Variants in VAPA observed in about 807,000 individuals in gnomAD.
VAPA encodes the protein vesicle-associated membrane protein-associated protein A.
Under a neutral mutation model 25.6 loss-of-function variants are expected in VAPA, and 6 were observed. The observed-to-expected ratio is 0.23, with a 90% CI of 0.13 to 0.46. The LOEUF is 0.46. Ranked by LOEUF, VAPA falls within the 20% of genes least tolerant of loss-of-function variation. VAPA has a pLI of 0.99. For synonymous variants in VAPA, 112 were observed against 106.2 expected (o/e 1.05, Z -0.34); for missense variants, 244 against 302.1 (o/e 0.81, Z 1.43).
At chr18:9,933,830 G>A (rs1006279201) in intron 2 of VAPA, among the ~76,000 whole-genome samples, 137 of 152,230 alleles carry the variant, frequency 9.0e-4, no homozygotes, top group African/African-American at 3.2e-3. Flanking sequence ...GAGCCACTGC[G>A]CCTGGCCAGA....
At chr18:9,918,653 T>C (rs970249754) in intron 1 of VAPA, among the ~76,000 whole-genome samples, 11 of 152,248 alleles carry the variant, frequency 7.2e-5, no homozygotes, top group Admixed American at 5.2e-4. Flanking sequence ...TTTGGTTTCA[T>C]TTATCTCACT....
intron 1 of VAPA, among the ~76,000 whole-genome samples, chr18:9,919,823 C>T (rs1330837952): frequency 1.3e-5 from 2 of 152,158 alleles, no homozygotes; most frequent in Admixed American, 1.3e-4. Flanking sequence ...AATAACATCA[C>T]ATTTGCATTT....
intron 1 of VAPA, chr18:9,915,754 A>G (rs1481536625): frequency 1.3e-5 from 2 of 152,248 alleles, no homozygotes. Context: ...TTGCATAACT[A>G]CATTGCAAGC....
At chr18:9,936,251 T>C in intron 3 of VAPA, 38 bp downstream of exon 3, 1 of 1,381,140 alleles carries the variant, frequency 7.2e-7, no homozygotes. Context: ...GGAAGTGGAG[T>C]TTAAACTGTG....
At position 9,957,725 on chromosome 18, in the gene VAPA, A is replaced by C. The variant is rs942884878; in HGVS notation, c.*3514A>C. The C allele has an allele frequency of 6.6e-6, 1 of 152,250 alleles. No homozygotes were observed. The highest frequency in any genetic ancestry group is 1.5e-5 in the Non-Finnish European group (1 of 68,040). 9.4% of individuals were successfully genotyped at this position (152,250 alleles called of 1,614,324 possible). A position where few individuals can be genotyped will look rare whatever the true frequency, so the allele number is the denominator to read the frequency against. ...CCTTTTCCTTTTCACAATACAAAAA[A>C]AATTTCAACAGATTGTGTGGTTTGT... On this transcript the variant is annotated 3_prime_UTR_variant, in exon 6 of 6. Transcript: ENST00000400000.
rs1369557979 is a variant in VAPA, at chr18:9,914,106, G to C, written c.-151G>C. The C allele has an allele frequency of 1.8e-5, 11 of 597,768 alleles. No homozygotes were observed. Among genetic ancestry groups the C allele is most frequent in the Non-Finnish European group, 2.5e-5 (9 of 359,048 alleles). 37.0% of individuals were successfully genotyped at this position (597,768 alleles called of 1,614,324 possible). A position where few individuals can be genotyped will look rare whatever the true frequency, so the allele number is the denominator to read the frequency against. On this transcript the variant is annotated 5_prime_UTR_variant, in exon 1 of 6. Coordinates refer to ENST00000400000, the MANE Select transcript of VAPA (RefSeq NM_194434.3). ...CTGCTGACCCAGCGGGTGGCCCACC[G>C]AACCGGTGACACAGCGGCAGGCGTT... is the stretch of plus-strand genomic sequence containing the variant.
At chr18:9,937,534 T>C (rs1441493534) in intron 4 of VAPA, among the ~76,000 whole-genome samples, 2 of 152,182 alleles carry the variant, frequency 1.3e-5, no homozygotes, top group African/African-American at 2.4e-5. Flanking sequence ...TTGTATTCTT[T>C]AGTAAATAAT....
intron 1 of VAPA, among the ~76,000 whole-genome samples, chr18:9,917,809 G>C (rs929076328): frequency 4.6e-5 from 7 of 152,126 alleles, no homozygotes; most frequent in African/African-American, 1.7e-4. Flanking sequence ...GCACGGGGCG[G>C]GGGGGAAATT....
chr18:9,950,142 T>G (rs1381552891), intron 4 of VAPA: 1 of 370,698 alleles, frequency 2.7e-6, no homozygotes, highest in Admixed American at 4.7e-5. Context: ...GCCTTTGAAG[T>G]ATTACAGGAA....
chr18:9,914,323 C>T lies in VAPA; in HGVS notation c.67C>T (p.Leu23Phe). ...QILVLDPPTD[L>F]KFKGPFTDVV... Reference sequence around the variant, plus strand: ...CCTGGTCCTCGATCCGCCCACAGACCTCAAATTCAAAGGTAGGCAGAACGG... The same window carrying T: ...CCTGGTCCTCGATCCGCCCACAGACTTCAAATTCAAAGGTAGGCAGAACGG... The change falls in exon 1 of 6, where the codon CTC becomes TTC. Residue 23 changes from leucine to phenylalanine, a missense_variant. This residue lies in a region of VAPA where 99 missense variants were observed against 161.6 expected (regional missense o/e 0.61). Coordinates refer to ENST00000400000, the MANE Select transcript of VAPA (RefSeq NM_194434.3). The T allele has an allele frequency of 6.3e-7, 1 of 1,582,662 alleles. No homozygotes were observed.
At chr18:9,918,287 A>G (rs1172831941) in intron 1 of VAPA, among the ~76,000 whole-genome samples, 1 of 152,206 alleles carries the variant, frequency 6.6e-6, no homozygotes, top group African/African-American at 2.4e-5. Context: ...GCAGACATGT[A>G]CTTCTTTGAC....
At chr18:9,949,916 TG>T (rs2069469856) in intron 4 of VAPA, 1 of 153,466 alleles carries the variant, frequency 6.5e-6, no homozygotes. Flanking sequence ...TTCTTGGGCA[TG>T]TTTTTTCTTA....
intron 1 of VAPA, among the ~76,000 whole-genome samples, chr18:9,924,186 T>TA (rs201743281): frequency 1.1e-4 from 17 of 149,304 alleles, no homozygotes; most frequent in South Asian, 6.3e-4. Flanking sequence ...ATCTAAATAA[T>TA]AAAAAAAAAA....
In VAPA at chr18:9,914,088, C is replaced by T; in HGVS notation, c.-169C>T. The T allele has an allele frequency of 5.5e-6, 3 of 545,560 alleles. No homozygotes were observed. In the South Asian group the frequency reaches 6.8e-5, roughly 12 times the overall value. 33.8% of individuals were successfully genotyped at this position (545,560 alleles called of 1,614,324 possible). A position where few individuals can be genotyped will look rare whatever the true frequency, so the allele number is the denominator to read the frequency against. ...CAGTTGTGGGACCCGGAGCTGCTGA[C>T]CCAGCGGGTGGCCCACCGAACCGGT... On this transcript the variant is annotated 5_prime_UTR_variant, in exon 1 of 6. Transcript: ENST00000400000.
chr18:9,934,443 T>G (rs550375224), intron 2 of VAPA, among the ~76,000 whole-genome samples: 61 of 152,340 alleles, frequency 4.0e-4, no homozygotes, highest in South Asian at 6.2e-4. Context: ...GGAATTTTAT[T>G]TAGCTTAAGC....
intron 1 of VAPA, among the ~76,000 whole-genome samples, chr18:9,930,712 C>G (rs1175151418): frequency 6.6e-6 from 1 of 151,400 alleles, no homozygotes; most frequent in Non-Finnish European, 1.5e-5. Context: ...AAAAAAAATG[C>G]AGACCTGTTA....
chr18:9,948,739 G>GT (rs1216358774), intron 4 of VAPA: 2 of 152,328 alleles, frequency 1.3e-5, no homozygotes, highest in Non-Finnish European at 2.9e-5. Flanking sequence ...TTCTAAAATT[G>GT]TTTTTTGTAG....
chr18:9,925,744 T>A (rs1453411689), intron 1 of VAPA, among the ~76,000 whole-genome samples: 1 of 152,140 alleles, frequency 6.6e-6, no homozygotes, highest in African/African-American at 2.4e-5. Context: ...ATGTAAAATA[T>A]TTTTTGAGTG....
At chr18:9,935,618 CTGAG>C (rs1448662624) in intron 2 of VAPA, among the ~76,000 whole-genome samples, 10 of 152,196 alleles carry the variant, frequency 6.6e-5, no homozygotes, top group Admixed American at 1.3e-4. Context: ...TTTTAAGTTA[CTGAG>C]TATTTCTCCT....
Sources: allele counts gnomAD v4.1 joint callset (sites outside exome capture counted in the v4.1 genomes callset), GRCh38; gene constraint gnomAD v4.1.1; regional missense constraint gnomAD v4.1.1; transcripts MANE v1.5; gene names NCBI Gene and HGNC (gene_info 2026-07-23, HGNC 2026-07-21).